SMIM7: variants seen among roughly 807,000 people sequenced by gnomAD.
The protein encoded by SMIM7 is small integral membrane protein 7.
In SMIM7, 12 loss-of-function variants were observed where a neutral mutation model predicts 13.3. The ratio of observed to expected loss-of-function variants is 0.90; its 90% CI spans 0.58 to 1.46. The LOEUF (loss-of-function observed/expected upper bound fraction) is 1.46. Among genes scored for constraint, SMIM7 ranks in the 40% most tolerant of loss-of-function variants. The pLI is 0.00. For synonymous variants in SMIM7, 36 were observed against 35.8 expected (o/e 1.01, Z -0.02); for missense variants, 114 against 94.8 (o/e 1.20, Z -0.84).
chr19:16,652,814 T>C (rs1318569649), intron 4 of SMIM7: 9 of 1,546,264 alleles, frequency 5.8e-6, no homozygotes, highest in Admixed American at 2.0e-5. Context: ...CATACAGGGA[T>C]GGACCCACAG....
intron 4 of SMIM7, among the ~76,000 whole-genome samples, chr19:16,651,574 C>G (rs1013457415): frequency 6.6e-6 from 1 of 152,176 alleles, no homozygotes; most frequent in Admixed American, 6.5e-5. Flanking sequence ...TGGTCACAGA[C>G]TAGCAGATGA....
chr19:16,655,056 C>T (rs948730121), intron 3 of SMIM7, among the ~76,000 whole-genome samples: 2 of 152,188 alleles, frequency 1.3e-5, no homozygotes, highest in African/African-American at 4.8e-5. Flanking sequence ...CTAACCCCAA[C>T]TCCAACCCCA....
intron 4 of SMIM7, among the ~76,000 whole-genome samples, chr19:16,635,458 AG>A (rs1313316461): frequency 6.6e-6 from 1 of 151,902 alleles, no homozygotes; most frequent in African/African-American, 2.4e-5. Flanking sequence ...CAGACAGGAG[AG>A]GACCAAGGTG....
At chr19:16,639,120 A>ATT (rs1286703534) in intron 4 of SMIM7, among the ~76,000 whole-genome samples, 89 of 133,462 alleles carry the variant, frequency 6.7e-4, no homozygotes, top group African/African-American at 1.0e-3. Flanking sequence ...GTAAGATGTC[A>ATT]TTTTTTTTTT....
In SMIM7 at chr19:16,659,961, C is replaced by A; in HGVS notation, c.66G>T (p.Lys22Asn). 2.5e-6 allele frequency: 4 copies of A among 1,612,468 alleles called. No individual in the cohort carries two copies. Among genetic ancestry groups the A allele is most frequent in the Non-Finnish European group, 3.4e-6 (4 of 1,179,428 alleles). The change falls in exon 2 of 5, where the codon AAG becomes AAT. Residue 22 changes from lysine to asparagine, a missense_variant and splice_region_variant. Coordinates refer to ENST00000487416, the MANE Select transcript of SMIM7 (RefSeq NM_024104.4). ...LMNAGAVLNFKLKKKDTQGFG... is the reference protein window; with the variant it reads ...LMNAGAVLNFNLKKKDTQGFG... ...CAGTCCGGCCGCGACCTACTCACAG[C>A]TTAAAGTTCAGCACCGCCCCGGCAT...
intron 4 of SMIM7, among the ~76,000 whole-genome samples, chr19:16,639,562 G>T (rs545172815): frequency 6.6e-6 from 1 of 152,292 alleles, no homozygotes; most frequent in East Asian, 1.9e-4. Flanking sequence ...TAGTGCTAAA[G>T]GAGCCAAGGA....
At chr19:16,650,042 T>G (rs1431198219) in intron 4 of SMIM7, among the ~76,000 whole-genome samples, 1 of 152,192 alleles carries the variant, frequency 6.6e-6, no homozygotes, top group African/African-American at 2.4e-5. Flanking sequence ...TGAAATTGGA[T>G]AGAGATAGCG....
rs146517615 is a variant in SMIM7, at chr19:16,657,862, T to C, written c.121+1533A>G. Among the ~76,000 whole-genome samples, 363 of 151,950 alleles carry C rather than the reference T, an allele frequency of 2.4e-3. 1 individual carries two copies. The highest frequency in any genetic ancestry group is 0.014 in the Admixed American group (212 of 15,254). Reference sequence around the variant, plus strand: ...CCTGGTTAACACAGCGAGATACCTATCTCTACAAAAAACATTTAGAAAATT... The same window carrying C: ...CCTGGTTAACACAGCGAGATACCTACCTCTACAAAAAACATTTAGAAAATT... On this transcript the variant is annotated intron_variant, in intron 3 of 4. Coordinates refer to ENST00000487416, the MANE Select transcript of SMIM7 (RefSeq NM_024104.4).
chr19:16,632,633 G>A (rs935066875), intron 4 of SMIM7, among the ~76,000 whole-genome samples: 3 of 149,778 alleles, frequency 2.0e-5, no homozygotes, highest in Non-Finnish European at 1.5e-5. Context: ...TTGGGTTCAA[G>A]TGATTCTCGT....
At chr19:16,638,065 C>A (rs2086373015) in intron 4 of SMIM7, among the ~76,000 whole-genome samples, 1 of 151,838 alleles carries the variant, frequency 6.6e-6, no homozygotes, top group Admixed American at 6.6e-5. Context: ...CAAAACCAAC[C>A]TGGCCAACGT....
chr19:16,652,682 G>A, intron 4 of SMIM7: 4 of 1,418,608 alleles, frequency 2.8e-6, no homozygotes, highest in Non-Finnish European at 3.7e-6. Flanking sequence ...GATCTCCTAT[G>A]TCCTGGAAGC....
At chr19:16,645,991 T>C (rs2086445849), downstream of SMIM7, 1 of 152,086 alleles carries the variant, frequency 6.6e-6, no homozygotes, top group Non-Finnish European at 1.5e-5. Context: ...CCATCATTTA[T>C]TGAGCTAAAT....
chr19:16,643,971 G>GC (rs2086424057), downstream of SMIM7: 1 of 152,064 alleles, frequency 6.6e-6, no homozygotes, highest in African/African-American at 2.4e-5. Context: ...TAGCAACAAA[G>GC]CAAGTGTAAA....
chr19:16,636,064 C>T (rs1399414438), intron 4 of SMIM7: 3 of 151,834 alleles, frequency 2.0e-5, no homozygotes, highest in Non-Finnish European at 4.4e-5. Context: ...CATAACTCAT[C>T]AACTGACTGC....
chr19:16,650,949 C>T (rs996095074), intron 4 of SMIM7, among the ~76,000 whole-genome samples: 14 of 152,200 alleles, frequency 9.2e-5, no homozygotes, highest in Non-Finnish European at 1.6e-4. Context: ...TAGTACCCTC[C>T]GGCCTTCTTC....
intron 4 of SMIM7, chr19:16,652,956 C>T: frequency 1.9e-6 from 3 of 1,550,460 alleles, no homozygotes; most frequent in Non-Finnish European, 2.6e-6. Flanking sequence ...CTTGAGTTTT[C>T]TCAGCCTAAT....
intron 2 of SMIM7, 114 bp downstream of exon 2, chr19:16,659,845 G>C: frequency 7.1e-7 from 1 of 1,406,196 alleles, no homozygotes; most frequent in Non-Finnish European, 9.7e-7. Context: ...AGGGCGGATA[G>C]GGCGGGGCCT....
At chr19:16,648,995 T>A (rs1257704466) in intron 4 of SMIM7, among the ~76,000 whole-genome samples, 4 of 151,872 alleles carry the variant, frequency 2.6e-5, no homozygotes, top group Non-Finnish European at 4.4e-5. Flanking sequence ...AGCTCCAGCC[T>A]GCGCAACAGA....
chr19:16,646,058 C>T (rs1599365172), downstream of SMIM7: 2 of 150,938 alleles, frequency 1.3e-5, no homozygotes, highest in East Asian at 3.9e-4. Context: ...CAAAATGAAT[C>T]CTAGGTTTTT....
Sources: allele counts gnomAD v4.1 joint callset (sites outside exome capture counted in the v4.1 genomes callset), GRCh38; gene constraint gnomAD v4.1.1; transcripts MANE v1.5; gene names NCBI Gene and HGNC (gene_info 2026-07-23, HGNC 2026-07-21).